Variants in NAA40 observed in about 807,000 individuals in gnomAD.
NAA40 encodes N-alpha-acetyltransferase 40, NatD catalytic subunit.
Under a neutral mutation model 36.6 loss-of-function variants are expected in NAA40, and 26 were observed. The observed-to-expected ratio is 0.71, with a 90% confidence interval of 0.52 to 0.98. The LOEUF (loss-of-function observed/expected upper bound fraction) is 0.98. Among genes scored for constraint, NAA40 ranks in the 50% least tolerant of loss-of-function variants. The pLI is 0.00. For missense variants in NAA40, 237 were observed against 306.5 expected (o/e 0.77, Z 1.69); for synonymous variants, 129 against 108.4 (o/e 1.19, Z -1.18).
At position 63,956,730 on chromosome 11, in the gene NAA40, T is replaced by G. The variant is rs1942370759; in HGVS notation, c.*2251T>G. ...TGGCTTACACCTGTAATCCCAGCAC[T>G]TTGGGAGGCTGAGGCAGGCGGGTCA... On this transcript the variant is annotated 3_prime_UTR_variant, in exon 8 of 8. Transcript: ENST00000377793. 6.6e-6 allele frequency: 1 copy of G among 152,638 alleles called. No individual in the cohort carries two copies. The highest frequency in any genetic ancestry group is 2.4e-5 in the African/African-American group (1 of 41,414). 9.5% of individuals were successfully genotyped at this position (152,638 alleles called of 1,614,324 possible). A position where few individuals can be genotyped will look rare whatever the true frequency, so the allele number is the denominator to read the frequency against.
At chr11:63,951,246 G>A (rs1347344247) in intron 3 of NAA40, among the ~76,000 whole-genome samples, 1 of 152,164 alleles carries the variant, frequency 6.6e-6, no homozygotes, top group African/African-American at 2.4e-5. Flanking sequence ...GAGTTTAACT[G>A]TTTTTTACTT....
rs1942334161 is a variant in NAA40, at chr11:63,954,549, C to A, written c.*70C>A. On this transcript the variant is annotated 3_prime_UTR_variant, in exon 8 of 8. Coordinates refer to ENST00000377793, the MANE Select transcript of NAA40 (RefSeq NM_024771.4). Reference sequence around the variant, plus strand: ...TTTCCTCTTTCCTGGTCTCACTGTTCACCGGGTGTCCTCAGAGCTGTGGCC... The same window carrying A: ...TTTCCTCTTTCCTGGTCTCACTGTTAACCGGGTGTCCTCAGAGCTGTGGCC... The A allele has an allele frequency of 2.0e-6, 3 of 1,494,810 alleles. No individual in the cohort carries two copies. Among genetic ancestry groups the A allele is most frequent in the South Asian group, 2.7e-5 (2 of 72,752 alleles). 92.6% of individuals were successfully genotyped at this position (1,494,810 alleles called of 1,614,324 possible).
Position 63,954,577 on chromosome 11 carries a change from C to T in NAA40, c.*98C>T. The T allele has an allele frequency of 7.2e-7, 1 of 1,397,522 alleles. No individual in the cohort carries two copies. Among genetic ancestry groups the T allele is most frequent in the Non-Finnish European group, 9.5e-7 (1 of 1,052,652 alleles). The allele number at this position is 1,397,522 out of a possible 1,614,324, so 86.6% of individuals were successfully genotyped here. A position where few individuals can be genotyped will look rare whatever the true frequency, so the allele number is the denominator to read the frequency against. ...CGGGTGTCCTCAGAGCTGTGGCCTCCCCAGCCCTGCACGTGCCAGGCTGCG... is the reference window on the plus strand; with the variant it reads ...CGGGTGTCCTCAGAGCTGTGGCCTCTCCAGCCCTGCACGTGCCAGGCTGCG... On this transcript the variant is annotated 3_prime_UTR_variant, in exon 8 of 8. Coordinates refer to ENST00000377793, the MANE Select transcript of NAA40 (RefSeq NM_024771.4).
At chr11:63,942,144 A>AT (rs772586216) in intron 1 of NAA40, among the ~76,000 whole-genome samples, 5 of 152,126 alleles carry the variant, frequency 3.3e-5, no homozygotes, top group Non-Finnish European at 7.4e-5. Context: ...GATAAAGCGG[A>AT]TCTACCCTCA....
chr11:63,941,623 G>T (rs1025243028), intron 1 of NAA40, among the ~76,000 whole-genome samples: 3 of 151,986 alleles, frequency 2.0e-5, no homozygotes, highest in Admixed American at 2.0e-4. Context: ...CACAATCTCA[G>T]CTCACTGCAA....
At chr11:63,946,284 C>A in intron 2 of NAA40, 1 of 269,468 alleles carries the variant, frequency 3.7e-6, no homozygotes, top group Non-Finnish European at 7.2e-6. Flanking sequence ...CGGCTCACTT[C>A]AACCTTGCAG....
At chr11:63,950,565 C>T (rs1942263839) in intron 3 of NAA40, among the ~76,000 whole-genome samples, 2 of 152,092 alleles carry the variant, frequency 1.3e-5, no homozygotes, top group South Asian at 4.1e-4. Context: ...CTGGTACAAG[C>T]AATTCTCCTG....
rs182515621 is a variant in NAA40, at chr11:63,945,740, G to T, written c.7-100G>T. The T allele has an allele frequency of 1.0e-4, 109 of 1,041,624 alleles. No homozygotes were observed. In the African/African-American group the frequency reaches 1.6e-3, roughly 15 times the overall value. The allele number at this position is 1,041,624 out of a possible 1,614,324, so 64.5% of individuals were successfully genotyped here. Reference sequence around the variant, plus strand: ...GAGGTGGGAAATTTCTCACTGCTGGGCCAGGCCTGTGGATGCAGGGCCCTT... The same window carrying T: ...GAGGTGGGAAATTTCTCACTGCTGGTCCAGGCCTGTGGATGCAGGGCCCTT... On this transcript the variant is annotated intron_variant, in intron 1 of 7. Transcript: ENST00000377793.
At position 63,952,488 on chromosome 11, in the gene NAA40, G is replaced by A. The variant is rs759669299; in HGVS notation, c.333G>A (p.Ala111=). Residue 111 remains alanine, a synonymous_variant, in exon 5 of 8, where the codon GCG becomes GCA. Coordinates refer to ENST00000377793, the MANE Select transcript of NAA40 (RefSeq NM_024771.4). ...ATGACCGAGCCTGGTACCTCATCGC[G>A]TGGGAAAACAGCTCCGTCCCTGTTG... ...MTDDRAWYLI[A]WENSSVPVAF... is the part of the protein sequence containing the mutation. 37 of 1,614,056 alleles carry A rather than the reference G, an allele frequency of 2.3e-5. No homozygotes were observed. The highest frequency in any genetic ancestry group is 1.0e-4 in the Admixed American group (6 of 59,988).
At chr11:63,950,930 G>A (rs984580661) in intron 3 of NAA40, among the ~76,000 whole-genome samples, 17 of 152,216 alleles carry the variant, frequency 1.1e-4, no homozygotes, top group Non-Finnish European at 4.4e-5. Context: ...CGTACCTGCA[G>A]GTGGGCTTTG....
At chr11:63,944,643 C>T (rs1760705592) in intron 1 of NAA40, among the ~76,000 whole-genome samples, 1 of 152,182 alleles carries the variant, frequency 6.6e-6, no homozygotes, top group Non-Finnish European at 1.5e-5. Flanking sequence ...TGGCTCACGC[C>T]TGTAATCCCA....
chr11:63,950,960 A>G (rs1432029367), intron 3 of NAA40, among the ~76,000 whole-genome samples: 17 of 152,206 alleles, frequency 1.1e-4, no homozygotes. Flanking sequence ...TAGTTAAGAT[A>G]GGTGCAGTGC....
At chr11:63,952,600 A>G (rs770995733) in intron 5 of NAA40, 35 bp downstream of exon 5, 1 of 1,610,398 alleles carries the variant, frequency 6.2e-7, no homozygotes, top group South Asian at 1.1e-5. Context: ...TAGGGGAGAG[A>G]GACCCTGGCG....
chr11:63,949,830 A>C (rs1232169342), intron 3 of NAA40, among the ~76,000 whole-genome samples: 2 of 139,758 alleles, frequency 1.4e-5, no homozygotes, highest in Non-Finnish European at 3.0e-5. Context: ...CTGCAAGCTC[A>C]GCCTCCCGGA....
intron 3 of NAA40, among the ~76,000 whole-genome samples, chr11:63,948,908 G>A (rs1942230443): frequency 6.6e-6 from 1 of 152,116 alleles, no homozygotes; most frequent in Non-Finnish European, 1.5e-5. Flanking sequence ...GGCCAGGTGT[G>A]GTGGCTCATA....
In NAA40 at chr11:63,946,959, C is replaced by G. The variant is rs1205579970; in HGVS notation, c.111C>G (p.Asp37Glu). ...AKVDAANRLG[D>E]PLEAFPVFKK... ...TTTCTTTCCCTCCACAGCTTGGAGA[C>G]CCTCTGGAGGCTTTCCCAGTGTTCA... Residue 37 changes from aspartate (D) to glutamate (E), a missense_variant, in exon 3 of 8, where the codon GAC becomes GAG. Physicochemically the swap from Asp to Glu is conservative, Grantham distance 45. Coordinates refer to ENST00000377793, the MANE Select transcript of NAA40 (RefSeq NM_024771.4). The G allele has an allele frequency of 1.2e-6, 2 of 1,613,992 alleles. No individual in the cohort carries two copies. The highest frequency in any genetic ancestry group is 1.3e-5 in the African/African-American group (1 of 74,918).
chr11:63,952,137 A>C, intron 3 of NAA40, 101 bp from the exon 4 acceptor site: 1 of 903,898 alleles, frequency 1.1e-6, no homozygotes, highest in South Asian at 1.6e-5. Flanking sequence ...CTGTGCAGTA[A>C]CTGAGACTGG....
chr11:63,939,110 A>G lies in NAA40; in HGVS notation c.6+8A>G. 1 of 1,604,406 alleles carries G rather than the reference A, an allele frequency of 6.2e-7. No individual in the cohort carries two copies. The highest frequency in any genetic ancestry group is 1.4e-5 in the African/African-American group (1 of 73,248). On this transcript the variant is annotated splice_region_variant and intron_variant, in intron 1 of 7. Transcript: ENST00000377793. ...GTCGCCGCCGCTATGGGGGTGAGTG[A>G]GGCAGAGAGAGGAGATGGGAGGTCC...
intron 1 of NAA40, among the ~76,000 whole-genome samples, chr11:63,942,354 T>G (rs575051434): frequency 6.6e-6 from 1 of 152,052 alleles, no homozygotes; most frequent in Admixed American, 6.6e-5. Flanking sequence ...CTGAGGGAGG[T>G]CTTTGTAAAC....
Sources: allele counts gnomAD v4.1 joint callset (sites outside exome capture counted in the v4.1 genomes callset), GRCh38; gene constraint gnomAD v4.1.1; transcripts MANE v1.5; gene names NCBI Gene and HGNC (gene_info 2026-07-23, HGNC 2026-07-21).